Variants in ZNF577 observed in about 807,000 individuals in gnomAD.
ZNF577 encodes zinc finger protein 577.
Under a neutral mutation model 13.9 loss-of-function variants are expected in ZNF577, and 14 were observed. The observed-to-expected ratio is 1.00, with a 90% CI of 0.66 to 1.57. The LOEUF (loss-of-function observed/expected upper bound fraction) is 1.57, where lower values mean the gene tolerates loss of function less well. Among genes scored for constraint, ZNF577 ranks in the 40% most tolerant of loss-of-function variants. The pLI is 0.00. For missense variants in ZNF577, 555 were observed against 579.2 expected (o/e 0.96, Z 0.43); for synonymous variants, 203 against 202.9 (o/e 1.00, Z 0.00).
intron 9 of ZNF577, among the ~76,000 whole-genome samples, chr19:51,813,489 G>A (rs8110012): frequency 0.059 from 8,994 of 152,002 alleles, 887 homozygotes; most frequent in African/African-American, 0.21. Context: ...ATAAGGACAG[G>A]TCCTGAAGAG....
rs574338229 is a variant in ZNF577, at chr19:51,827,816, T to G, written c.*599+12077A>C. On this transcript the variant is annotated intron_variant and NMD_transcript_variant, in intron 9 of 10. Coordinates refer to the ZNF577 transcript ENST00000638827. ...CACTCAGAAATTGTCAATTCTGTAT[T>G]GTGAACATACTTTCCTGATGCACTG... 2.0e-5 allele frequency among the ~76,000 whole-genome samples: 3 copies of G among 152,344 alleles called. No individual in the cohort carries two copies. The South Asian group carries it at 6.2e-4, about 32-fold the overall frequency.
intron 1 of ZNF577, chr19:51,886,379 A>G (rs1489069641): frequency 2.0e-5 from 3 of 152,202 alleles, no homozygotes; most frequent in Non-Finnish European, 4.4e-5. Context: ...ACCACCATTC[A>G]GTCCCTCTCC....
chr19:51,806,540 T>G (rs1411518579), intron 10 of ZNF577, among the ~76,000 whole-genome samples: 1 of 152,228 alleles, frequency 6.6e-6, no homozygotes, highest in African/African-American at 2.4e-5. Context: ...ACCCCCTTTT[T>G]GTCTTTTCAA....
intron 9 of ZNF577, among the ~76,000 whole-genome samples, chr19:51,837,447 T>G (rs2084294217): frequency 6.6e-6 from 1 of 152,174 alleles, no homozygotes; most frequent in African/African-American, 2.4e-5. Flanking sequence ...TTAGAGTACC[T>G]GTATGACCTC....
At chr19:51,880,246 T>A in intron 3 of ZNF577, 77 bp downstream of exon 3, 1 of 1,445,330 alleles carries the variant, frequency 6.9e-7, no homozygotes, top group Non-Finnish European at 9.7e-7. Context: ...CAAGGCTGAC[T>A]TTGAGGATAC....
At chr19:51,834,302 T>C (rs2084277460) in intron 9 of ZNF577, among the ~76,000 whole-genome samples, 1 of 152,154 alleles carries the variant, frequency 6.6e-6, no homozygotes, top group Non-Finnish European at 1.5e-5. Flanking sequence ...CCAGGCAAAC[T>C]CCTGGCCTCA....
At chr19:51,862,387 C>G (rs1349652725), downstream of ZNF577, 1 of 152,658 alleles carries the variant, frequency 6.6e-6, no homozygotes, top group African/African-American at 2.4e-5. Context: ...TTGACATTCA[C>G]TGCATCCATA....
downstream of ZNF577, among the ~76,000 whole-genome samples, chr19:51,866,969 GAAGA>G (rs531497279): frequency 2.4e-3 from 360 of 148,184 alleles, 2 homozygotes; most frequent in Non-Finnish European, 4.3e-3. Context: ...AGTGAGATAA[GAAGA>G]AAGAAAGAGA....
intron 5 of ZNF577, among the ~76,000 whole-genome samples, chr19:51,850,636 G>C (rs1351611984): frequency 6.6e-6 from 1 of 152,096 alleles, no homozygotes; most frequent in Non-Finnish European, 1.5e-5. Context: ...TAAACCTGAG[G>C]GTAGTGTTTA....
At chr19:51,830,645 C>T (rs187744911) in intron 9 of ZNF577, among the ~76,000 whole-genome samples, 18 of 152,250 alleles carry the variant, frequency 1.2e-4, no homozygotes, top group Non-Finnish European at 2.1e-4. Context: ...TTGTCCACAC[C>T]CTTTTATTTT....
intron 9 of ZNF577, among the ~76,000 whole-genome samples, chr19:51,811,891 A>C (rs187531025): frequency 1.5e-3 from 230 of 152,278 alleles, no homozygotes; most frequent in African/African-American, 5.3e-3. Flanking sequence ...TATAGCCTCC[A>C]GTGGAATGAT....
At chr19:51,886,768 A>T (rs1203937036) in intron 1 of ZNF577, 53 bp downstream of exon 1, 1 of 152,350 alleles carries the variant, frequency 6.6e-6, no homozygotes, top group Non-Finnish European at 1.5e-5. Flanking sequence ...TGAAAAAGAA[A>T]CTATGACAGC....
chr19:51,850,367 A>G (rs916877915), intron 5 of ZNF577, among the ~76,000 whole-genome samples: 4 of 152,238 alleles, frequency 2.6e-5, no homozygotes, highest in Non-Finnish European at 4.4e-5. Flanking sequence ...GAACCCAAGT[A>G]AAATATCTGG....
intron 6 of ZNF577, among the ~76,000 whole-genome samples, chr19:51,843,640 AAGGTT>A (rs1261404989): frequency 6.6e-6 from 1 of 152,202 alleles, no homozygotes. Context: ...AAAAACAATA[AAGGTT>A]AGTCCTTCCT....
chr19:51,806,301 C>T (rs947413388), intron 10 of ZNF577, among the ~76,000 whole-genome samples: 11 of 152,200 alleles, frequency 7.2e-5, no homozygotes, highest in Admixed American at 6.5e-4. Context: ...TGTCAATCTC[C>T]TGTAAACACA....
chr19:51,879,190 G>C (rs572586586), intron 3 of ZNF577, among the ~76,000 whole-genome samples: 3 of 151,612 alleles, frequency 2.0e-5, no homozygotes, highest in South Asian at 2.1e-4. Flanking sequence ...CCGGGAGGCA[G>C]AGCTTGCAGG....
intron 9 of ZNF577, among the ~76,000 whole-genome samples, chr19:51,816,633 T>C (rs1443454464): frequency 6.6e-6 from 1 of 152,210 alleles, no homozygotes; most frequent in South Asian, 2.1e-4. Context: ...ATTACAAAGC[T>C]GATGAGGGGG....
chr19:51,851,505 A>C (rs1172044957), intron 5 of ZNF577, among the ~76,000 whole-genome samples: 3 of 152,148 alleles, frequency 2.0e-5, no homozygotes, highest in Admixed American at 2.0e-4. Context: ...CATACGTTGA[A>C]AATTCATATT....
intron 10 of ZNF577, among the ~76,000 whole-genome samples, chr19:51,807,488 T>A (rs1356621869): frequency 6.6e-6 from 1 of 152,134 alleles, no homozygotes; most frequent in East Asian, 1.9e-4. Context: ...TCCCTGCAGT[T>A]GATAGGATCT....
Sources: gnomAD v4.1 joint callset for allele counts (sites outside exome capture counted in the v4.1 genomes callset) on GRCh38, gnomAD v4.1.1 for gene constraint, MANE v1.5 for transcripts, NCBI Gene and HGNC (gene_info 2026-07-23, HGNC 2026-07-21) for gene names.